Variants in ESPN observed in about 807,000 individuals in gnomAD.
ESPN encodes autosomal recessive deafness type 36 protein.
Under a neutral mutation model 77.7 loss-of-function variants are expected in ESPN, and 68 were observed. That is an observed-to-expected ratio of 0.87 (90% CI 0.72 to 1.07). The LOEUF (loss-of-function observed/expected upper bound fraction) is 1.07. Among genes scored for constraint, ESPN ranks in the 50% least tolerant of loss-of-function variants. ESPN has a pLI of 0.00. For synonymous variants in ESPN, 449 were observed against 567.1 expected (o/e 0.79, Z 2.96); for missense variants, 1,060 against 1,239.0 (o/e 0.86, Z 2.17).
chr1:6,453,292 C>G (rs999025291), intron 10 of ESPN, among the ~76,000 whole-genome samples: 1 of 152,144 alleles, frequency 6.6e-6, no homozygotes, highest in Non-Finnish European at 1.5e-5. Context: ...GACATGTGTG[C>G]GAGTCACCAA....
downstream of ESPN, chr1:6,461,321 A>G (rs1644165037): frequency 3.0e-6 from 4 of 1,334,672 alleles, no homozygotes; most frequent in Admixed American, 6.6e-5. The surrounding 1 kb of genome is among the most constrained non-coding windows in gnomAD (Gnocchi z 6.3). Flanking sequence ...GCTGCTACGC[A>G]GGGCCGTGCC....
chr1:6,458,712 C>T (rs1460213251), intron 12 of ESPN, among the ~76,000 whole-genome samples: 4 of 150,730 alleles, frequency 2.7e-5, no homozygotes, highest in African/African-American at 9.8e-5. Flanking sequence ...GGGTGGATCA[C>T]CTGAGGTCAG....
chr1:6,453,021 T>A (rs921371786), intron 10 of ESPN, among the ~76,000 whole-genome samples: 2 of 152,072 alleles, frequency 1.3e-5, no homozygotes, highest in Non-Finnish European at 2.9e-5. Flanking sequence ...GCCTCCCGAG[T>A]AGCTGGGACT....
chr1:6,451,980 G>C lies in ESPN; in HGVS notation c.2209G>C (p.Glu737Gln), dbSNP rs750072517. 1.2e-6 allele frequency: 2 copies of C among 1,609,390 alleles called. No individual in the cohort carries two copies. The highest frequency in any genetic ancestry group is 1.3e-5 in the African/African-American group (1 of 74,858). Reference sequence around the variant, plus strand: ...TGCGCCGGGAGTGCAGCTGGACGTGGAGGCTCTCATCCCCACGCACGATGA... The same window carrying C: ...TGCGCCGGGAGTGCAGCTGGACGTGCAGGCTCTCATCCCCACGCACGATGA... ...TPAPGVQLDVEALIPTHDEQG... is the reference protein window; with the variant it reads ...TPAPGVQLDVQALIPTHDEQG... Residue 737 changes from glutamate (E) to glutamine (Q), a missense_variant, in exon 10 of 13, where the codon GAG becomes CAG. Physicochemically the swap from Glu to Gln is conservative, Grantham distance 29 (BLOSUM62 2). Transcript: ENST00000645284. This position sits in a 1 kb window ranked among gnomAD's most constrained non-coding sequence, Gnocchi z 4.3.
chr1:6,441,251 C>T (rs1413330703), intron 5 of ESPN, among the ~76,000 whole-genome samples, 186 bp downstream of exon 5: 2 of 152,048 alleles, frequency 1.3e-5, no homozygotes, highest in Non-Finnish European at 2.9e-5. Flanking sequence ...GCACAAAGGT[C>T]AACGGAAAGA....
Position 6,425,021 on chromosome 1 carries a change from C to T in ESPN, c.66C>T (p.His22=). ...AGCTGGACGTGCTGAGGTCGCTGCA[C>T]GCCGCAGGCCTCCTGGGGCCCTCGC... ...QGELDVLRSL[H]AAGLLGPSLR... The change falls in exon 1 of 13, where the codon CAC becomes CAT. Residue 22 remains histidine, a synonymous_variant. Coordinates refer to ENST00000645284, the MANE Select transcript of ESPN (RefSeq NM_031475.3). The T allele has an allele frequency of 1.4e-6, 2 of 1,465,300 alleles. No homozygotes were observed. The highest frequency in any genetic ancestry group is 1.3e-5 in the South Asian group (1 of 77,168). 90.8% of individuals were successfully genotyped at this position (1,465,300 alleles called of 1,614,324 possible).
intron 10 of ESPN, chr1:6,456,509 C>T (rs1423532140): frequency 9.1e-6 from 2 of 218,584 alleles, no homozygotes; most frequent in Non-Finnish European, 1.8e-5. Flanking sequence ...TGCGGCTCCT[C>T]CTTGCGGCAG....
At chr1:6,432,116 G>A (rs1643275062) in intron 2 of ESPN, among the ~76,000 whole-genome samples, 1 of 152,192 alleles carries the variant, frequency 6.6e-6, no homozygotes, top group Non-Finnish European at 1.5e-5. Flanking sequence ...GCTTCATGGA[G>A]CCTGGCTGCT....
chr1:6,461,209 G>T, downstream of ESPN: 1 of 726,190 alleles, frequency 1.4e-6, no homozygotes, highest in Non-Finnish European at 2.5e-6. The surrounding 1 kb of genome is among the most constrained non-coding windows in gnomAD (Gnocchi z 6.3). Flanking sequence ...GCCAAACTCC[G>T]GCCGAGAAGT....
At chr1:6,430,838 G>A (rs767596617) in intron 2 of ESPN, among the ~76,000 whole-genome samples, 3 of 152,184 alleles carry the variant, frequency 2.0e-5, no homozygotes, top group Non-Finnish European at 4.4e-5. Flanking sequence ...GGCAGGAGCC[G>A]GGCTGGGCAA....
intron 12 of ESPN, among the ~76,000 whole-genome samples, chr1:6,458,039 G>A (rs1569758682): frequency 7.2e-6 from 1 of 138,948 alleles, no homozygotes; most frequent in South Asian, 2.4e-4. Context: ...ATTTTTTTTT[G>A]AGATGGGGTT....
chr1:6,459,958 C>A (rs535316379), intron 12 of ESPN, 41 bp from the exon 13 acceptor site: 6 of 1,612,322 alleles, frequency 3.7e-6, no homozygotes, highest in Non-Finnish European at 5.1e-6. Context: ...GGTATCTGGC[C>A]CCAGACTTCA....
At chr1:6,452,904 A>ATTTTTTT (rs141387813) in intron 10 of ESPN, among the ~76,000 whole-genome samples, 32,441 of 150,738 alleles carry the variant, frequency 0.22, 6,948 homozygotes, top group African/African-American at 0.56. Context: ...TTTATTTTTT[A>ATTTTTTT]TTTTTTGAGA....
Position 6,457,203 on chromosome 1 carries a change from G to A in ESPN, c.2345G>A (p.Arg782Gln), listed in dbSNP as rs764608871. Residue 782 changes from arginine to glutamine, a missense_variant, in exon 11 of 13, where the codon CGG becomes CAG. Arg to Gln is a conservative substitution (Grantham distance 43). Around this residue, in one of 3 missense-constraint regions of ESPN, gnomAD observed 374 missense variants for 381.4 expected, o/e 0.98. Coordinates refer to ENST00000645284, the MANE Select transcript of ESPN (RefSeq NM_031475.3). Reference sequence around the variant, plus strand: ...TTTCAGGAGGAGGAGGAGGAGGCCCGGCTGGCCAGCATGCCCGCCTGGAGG... The same window carrying A: ...TTTCAGGAGGAGGAGGAGGAGGCCCAGCTGGCCAGCATGCCCGCCTGGAGG... Reference protein sequence around the residue: ...QRRKEEEEEARLASMPAWRRD... With the variant: ...QRRKEEEEEAQLASMPAWRRD... 22 of 1,608,266 alleles carry A rather than the reference G, an allele frequency of 1.4e-5. No individual in the cohort carries two copies. Among genetic ancestry groups the A allele is most frequent in the African/African-American group, 5.3e-5 (4 of 74,830 alleles).
At chr1:6,455,543 G>A (rs1046179752) in intron 10 of ESPN, 10 of 398,392 alleles carry the variant, frequency 2.5e-5, no homozygotes, top group Non-Finnish European at 4.4e-5. Context: ...GTCGCGTGCC[G>A]GCAAGCCCGG....
In ESPN at chr1:6,448,645, G is replaced by C; in HGVS notation, c.1469G>C (p.Ser490Thr). ...CCGGTCACTGTCTTCCCGCAGCTGA[G>C]CTCCTGTGACGGCCACGACGGGCTG... ...VETEALKKEL[S>T]SCDGHDGLRR... The change falls in exon 8 of 13, where the codon AGC (serine) becomes ACC (threonine). Residue 490 changes from serine (S) to threonine (T), a missense_variant. Ser to Thr is a moderately conservative substitution (Grantham distance 58). This residue lies in a region of ESPN where 130 missense variants were observed against 223.9 expected (regional missense o/e 0.58). Coordinates refer to ENST00000645284, the MANE Select transcript of ESPN (RefSeq NM_031475.3). 1.3e-6 allele frequency: 2 copies of C among 1,561,810 alleles called. No individual in the cohort carries two copies. Among genetic ancestry groups the C allele is most frequent in the South Asian group, 2.3e-5 (2 of 85,776 alleles).
At position 6,428,595 on chromosome 1, in the gene ESPN, C is replaced by CCTGGAAAACCCCTT. The variant is rs1553166095; in HGVS notation, c.488+181_488+194dup. 6.6e-6 allele frequency among the ~76,000 whole-genome samples: 1 copy of CCTGGAAAACCCCTT among 152,170 alleles called. No homozygotes were observed. Among genetic ancestry groups the CCTGGAAAACCCCTT allele is most frequent in the African/African-American group, 2.4e-5 (1 of 41,450 alleles). On this transcript the variant is annotated intron_variant, in intron 2 of 12. Coordinates refer to ENST00000645284, the MANE Select transcript of ESPN (RefSeq NM_031475.3). The surrounding 1 kb of genome is among the most constrained non-coding windows in gnomAD (Gnocchi z 5.4). ...CCCACTCAACATGAAATTTTCCCCT[C>CCTGGAAAACCCCTT]CTGGAAAACCCCTTCTGGGGCTGCC...
At chr1:6,444,890 C>T (rs1643771246) in intron 6 of ESPN, among the ~76,000 whole-genome samples, 1 of 152,208 alleles carries the variant, frequency 6.6e-6, no homozygotes, top group African/African-American at 2.4e-5. Flanking sequence ...CATACATGTA[C>T]ATCCACATGT....
rs45518941 is a variant in ESPN, at chr1:6,459,953, C to G, written c.2418-46C>G. 116 of 1,611,792 alleles carry G rather than the reference C, an allele frequency of 7.2e-5. No individual in the cohort carries two copies. The East Asian group carries it at 2.4e-3, about 33-fold the overall frequency. ...CCACCCTTTCTGCCAGCCTGGGTAT[C>G]TGGCCCCAGACTTCACCGGGTCTGC... On this transcript the variant is annotated intron_variant, in intron 12 of 12. Coordinates refer to ENST00000645284, the MANE Select transcript of ESPN (RefSeq NM_031475.3).
Sources: gnomAD v4.1 joint callset for allele counts (sites outside exome capture counted in the v4.1 genomes callset) on GRCh38, gnomAD v4.1.1 for gene constraint, gnomAD v4.1.1 regional missense constraint, Gnocchi (gnomAD v3.1) non-coding constraint, MANE v1.5 for transcripts, NCBI Gene and HGNC (gene_info 2026-07-23, HGNC 2026-07-21) for gene names.